CACNB4: variants seen among roughly 807,000 people sequenced by gnomAD.
CACNB4 encodes the protein voltage-dependent L-type calcium channel subunit beta-4.
In CACNB4, 32 loss-of-function variants were observed where a neutral mutation model predicts 71.2. That is an observed-to-expected ratio of 0.45 (90% CI 0.34 to 0.60). The LOEUF is 0.60. Ranked by LOEUF, CACNB4 falls within the 20% of genes least tolerant of loss-of-function variation. The pLI is 0.01. For missense variants in CACNB4, 464 were observed against 647.9 expected (o/e 0.72, Z 3.08); for synonymous variants, 231 against 236.9 (o/e 0.97, Z 0.23).
At chr2:151,994,413 C>T (rs1199411129) in intron 2 of CACNB4, among the ~76,000 whole-genome samples, 1 of 152,036 alleles carries the variant, frequency 6.6e-6, no homozygotes, top group Non-Finnish European at 1.5e-5. Flanking sequence ...CAGCATGTTG[C>T]CGGGCTGGTC....
intron 2 of CACNB4, among the ~76,000 whole-genome samples, chr2:151,963,994 G>A (rs369966082): frequency 2.0e-5 from 3 of 151,236 alleles, no homozygotes; most frequent in Admixed American, 6.6e-5. Flanking sequence ...GCTTGAGCCC[G>A]GGAGACGGAG....
At chr2:152,095,823 T>G (rs1257566263) in intron 2 of CACNB4, among the ~76,000 whole-genome samples, 1 of 152,130 alleles carries the variant, frequency 6.6e-6, no homozygotes, top group African/African-American at 2.4e-5. Context: ...GGCAAATTTC[T>G]TTGTATTTTT....
At chr2:151,881,174 T>C (rs946792487) in intron 3 of CACNB4, among the ~76,000 whole-genome samples, 2 of 152,176 alleles carry the variant, frequency 1.3e-5, no homozygotes, top group Admixed American at 6.5e-5. Context: ...TGCTCTAAAG[T>C]ATTAAGAGGG....
At chr2:152,004,027 C>A (rs1010030992) in intron 2 of CACNB4, among the ~76,000 whole-genome samples, 2 of 151,972 alleles carry the variant, frequency 1.3e-5, no homozygotes, top group Non-Finnish European at 2.9e-5. Context: ...TCGTTGTTAC[C>A]CAGGCTGGTC....
intron 2 of CACNB4, among the ~76,000 whole-genome samples, chr2:152,038,155 A>C (rs1267181332): frequency 6.6e-6 from 1 of 152,344 alleles, no homozygotes; most frequent in East Asian, 1.9e-4. Flanking sequence ...TGCCAATGGC[A>C]AAGTTCCTAA....
At chr2:152,017,490 G>A (rs1403429162) in intron 2 of CACNB4, among the ~76,000 whole-genome samples, 5 of 80,006 alleles carry the variant, frequency 6.2e-5, no homozygotes, top group East Asian at 3.6e-4. Context: ...GGCGGATCCC[G>A]AGGTCAGGAG....
intron 2 of CACNB4, among the ~76,000 whole-genome samples, chr2:152,069,732 G>T (rs1686562111): frequency 6.6e-6 from 1 of 151,792 alleles, no homozygotes; most frequent in Non-Finnish European, 1.5e-5. Flanking sequence ...GCCCATTGCA[G>T]GGCCAGGCAC....
intron 2 of CACNB4, among the ~76,000 whole-genome samples, chr2:151,884,684 G>C (rs1164841641): frequency 3.7e-4 from 55 of 148,700 alleles, no homozygotes; most frequent in Admixed American, 3.7e-3. Context: ...TCTGACTGAT[G>C]TGGCGAAGTT....
intron 2 of CACNB4, among the ~76,000 whole-genome samples, chr2:152,067,399 G>T (rs971519504): frequency 6.7e-5 from 10 of 149,632 alleles, no homozygotes; most frequent in Non-Finnish European, 1.3e-4. Context: ...GGGGGGGGGG[G>T]TGCCTCTCAC....
At chr2:151,867,114 T>A (rs2099843359) in intron 9 of CACNB4, 1 of 152,222 alleles carries the variant, frequency 6.6e-6, no homozygotes, top group Admixed American at 6.5e-5. Flanking sequence ...TAACACTGTC[T>A]TATGGGATGG....
intron 2 of CACNB4, among the ~76,000 whole-genome samples, chr2:151,884,775 C>T (rs1465914693): frequency 1.3e-5 from 2 of 152,150 alleles, no homozygotes; most frequent in East Asian, 1.9e-4. Context: ...GAACATCATC[C>T]TTACAGTTTC....
At chr2:151,920,006 T>C (rs1044558571) in intron 2 of CACNB4, among the ~76,000 whole-genome samples, 4 of 152,190 alleles carry the variant, frequency 2.6e-5, no homozygotes, top group Non-Finnish European at 5.9e-5. Context: ...TTGGCAATGG[T>C]TGTGATTTCC....
chr2:151,958,737 T>C (rs151240657), intron 2 of CACNB4, among the ~76,000 whole-genome samples: 2 of 152,328 alleles, frequency 1.3e-5, no homozygotes, highest in East Asian at 1.9e-4. Flanking sequence ...CAGCTTTTTA[T>C]TTGGACTCCC....
At chr2:152,018,806 A>AACACAC (rs10600477) in intron 2 of CACNB4, among the ~76,000 whole-genome samples, 14,907 of 146,518 alleles carry the variant, frequency 0.1, 1,249 homozygotes, top group East Asian at 0.44. Flanking sequence ...CCTGTCTCAA[A>AACACAC]ACACACACAC....
chr2:152,090,873 C>T (rs1008454274), intron 2 of CACNB4, among the ~76,000 whole-genome samples: 13 of 151,604 alleles, frequency 8.6e-5, no homozygotes, highest in Admixed American at 8.6e-4. Flanking sequence ...TGGTGAAGCC[C>T]AATCTCTACT....
At chr2:151,946,380 T>G (rs912437101) in intron 2 of CACNB4, among the ~76,000 whole-genome samples, 1 of 151,076 alleles carries the variant, frequency 6.6e-6, no homozygotes, top group South Asian at 2.1e-4. Flanking sequence ...CCTTCCTGGT[T>G]TGCCTGGGAC....
At chr2:152,085,243 C>G (rs1384815234) in intron 2 of CACNB4, among the ~76,000 whole-genome samples, 1 of 152,034 alleles carries the variant, frequency 6.6e-6, no homozygotes, top group African/African-American at 2.4e-5. Flanking sequence ...GGGGAACACA[C>G]TGGCATGAAA....
chr2:151,993,414 G>A (rs1031395013), intron 2 of CACNB4, among the ~76,000 whole-genome samples: 1 of 152,140 alleles, frequency 6.6e-6, no homozygotes, highest in Non-Finnish European at 1.5e-5. Context: ...ACAGGGCAAA[G>A]TGCCAAAGCA....
chr2:151,883,135 G>T, intron 3 of CACNB4, 116 bp downstream of exon 3: 1 of 1,074,612 alleles, frequency 9.3e-7, no homozygotes, highest in Non-Finnish European at 1.4e-6. Flanking sequence ...CCAATCTGGA[G>T]CCTTGTTAGA....
Sources: gnomAD v4.1 joint callset for allele counts (sites outside exome capture counted in the v4.1 genomes callset) on GRCh38, gnomAD v4.1.1 for gene constraint, MANE v1.5 for transcripts, NCBI Gene and HGNC (gene_info 2026-07-23, HGNC 2026-07-21) for gene names.